The following DSC1 variants were observed in gnomAD, a reference collection of about 807,000 sequenced individuals.
DSC1 encodes the protein desmocollin-1.
In DSC1, 79 loss-of-function variants were observed where a neutral mutation model predicts 98.8. That is an observed-to-expected ratio of 0.80 (90% CI 0.67 to 0.96). DSC1 has a LOEUF of 0.96. Among genes scored for constraint, DSC1 ranks in the 50% least tolerant of loss-of-function variants. The probability of loss-of-function intolerance (pLI) is 0.00; values close to 1 mark genes in which losing one functional copy is unlikely to be tolerated. For synonymous variants in DSC1, 405 were observed against 372.1 expected (o/e 1.09, Z -1.02); for missense variants, 1,115 against 1,075.9 (o/e 1.04, Z -0.51).
At chr18:31,146,593 G>T (rs917926142) in intron 6 of DSC1, among the ~76,000 whole-genome samples, 1 of 152,102 alleles carries the variant, frequency 6.6e-6, no homozygotes, top group Non-Finnish European at 1.5e-5. Flanking sequence ...TTTCCCTTGG[G>T]TATATACCTA....
intron 14 of DSC1, chr18:31,132,328 A>G: frequency 4.8e-6 from 2 of 417,276 alleles, no homozygotes; most frequent in Non-Finnish European, 8.4e-6. Flanking sequence ...TCTGATTTCT[A>G]GTCTCCAGAT....
intron 2 of DSC1, among the ~76,000 whole-genome samples, chr18:31,158,224 A>G (rs7245164): frequency 0.56 from 85,064 of 151,948 alleles, 24,095 homozygotes; most frequent in East Asian, 0.66. Flanking sequence ...CAGAGATAGC[A>G]CCACTGCACT....
In DSC1 at chr18:31,143,707, T is replaced by C. The variant is rs772770122; in HGVS notation, c.1024A>G (p.Ile342Val). The C allele has an allele frequency of 6.3e-7, 1 of 1,598,138 alleles. No individual in the cohort carries two copies. Among genetic ancestry groups the C allele is most frequent in the Admixed American group, 1.7e-5 (1 of 58,504 alleles). Residue 342 changes from isoleucine to valine, a missense_variant, in exon 8 of 16, where the codon ATT becomes GTT. Transcript: ENST00000257198. ...FGLFNTGTIT[I>V]SLEDENDNPP... ...TTGTCATTTTCATCCTCAAGTGAAATAGTAATTGTTCCTGTATTAAATAAA... is the reference window on the plus strand; with the variant it reads ...TTGTCATTTTCATCCTCAAGTGAAACAGTAATTGTTCCTGTATTAAATAAA...
intron 5 of DSC1, among the ~76,000 whole-genome samples, chr18:31,150,037 T>TCATCATCACCACCACCACCACCAC (rs1208127009): frequency 1.1e-5 from 1 of 93,020 alleles, no homozygotes; most frequent in East Asian, 4.0e-4. Flanking sequence ...CCACTTACCA[T>TCATCATCACCACCACCACCACCAC]CATCATCACC....
At chr18:31,145,805 A>C (rs1486768737) in intron 6 of DSC1, 28 bp from the exon 7 acceptor site, 3 of 1,593,080 alleles carry the variant, frequency 1.9e-6, no homozygotes, top group Non-Finnish European at 2.6e-6. Context: ...AAAGTGTCAA[A>C]AATTTCTACT....
intron 6 of DSC1, 53 bp from the exon 7 acceptor site, chr18:31,145,830 A>G: frequency 6.4e-7 from 1 of 1,550,938 alleles, no homozygotes; most frequent in Non-Finnish European, 8.7e-7. Flanking sequence ...TAATTGAATT[A>G]TAAACAAAAT....
chr18:31,132,332 T>A (rs1988512220), intron 14 of DSC1: 3 of 439,672 alleles, frequency 6.8e-6, no homozygotes, highest in Non-Finnish European at 7.9e-6. Flanking sequence ...ATTTCTAGTC[T>A]CCAGATCTGT....
At chr18:31,138,365 T>C (rs778174465) in intron 11 of DSC1, among the ~76,000 whole-genome samples, 11 of 152,126 alleles carry the variant, frequency 7.2e-5, no homozygotes, top group Non-Finnish European at 1.5e-4. Context: ...ATAATATTCA[T>C]ACATTCTTTT....
At chr18:31,137,123 A>G (rs556792499) in intron 11 of DSC1, among the ~76,000 whole-genome samples, 1 of 150,696 alleles carries the variant, frequency 6.6e-6, no homozygotes, top group South Asian at 2.1e-4. Flanking sequence ...AACTAGAATC[A>G]CTGTATTATA....
Position 31,131,822 on chromosome 18 carries a change from G to A in DSC1, c.2259C>T (p.Pro753=). ...TGTCACAAATGTTGGATGTCTGCAT[G>A]GGGAGTCTAATATTTGCTTCCTAAA... ...EEVTEANIRL[P]MQTSNICDTS... is the part of the protein sequence containing the mutation. The change falls in exon 15 of 16, where the codon CCC becomes CCT. Residue 753 remains proline (P), a synonymous_variant. Transcript: ENST00000257198. The A allele has an allele frequency of 6.2e-7, 1 of 1,614,046 alleles. No individual in the cohort carries two copies. Among genetic ancestry groups the A allele is most frequent in the Non-Finnish European group, 8.5e-7 (1 of 1,179,948 alleles).
intron 5 of DSC1, among the ~76,000 whole-genome samples, chr18:31,151,345 A>G (rs542115823): frequency 2.0e-5 from 3 of 152,322 alleles, no homozygotes; most frequent in South Asian, 4.1e-4. Context: ...CTAACTCTCT[A>G]GGAGAATTGA....
Position 31,131,674 on chromosome 18 carries a change from C to T in DSC1, c.2407G>A (p.Val803Ile), listed in dbSNP as rs1218671127. ...GTATCTCCCTGCCCCACTCCCTTGA[C>T]GGACTCCAAGGTCTGATGTCCACCT... ...KGGGHQTLESVKGVGQGDTGR... is the reference protein window; with the variant it reads ...KGGGHQTLESIKGVGQGDTGR... Residue 803 changes from valine to isoleucine, a missense_variant, in exon 15 of 16, where the codon GTC (valine) becomes ATC (isoleucine). Physicochemically the swap from Val to Ile is conservative, Grantham distance 29. Coordinates refer to ENST00000257198, the MANE Select transcript of DSC1 (RefSeq NM_024421.2). The T allele has an allele frequency of 8.7e-6, 14 of 1,614,118 alleles. No individual in the cohort carries two copies. The highest frequency in any genetic ancestry group is 5.0e-5 in the Admixed American group (3 of 60,014).
intron 11 of DSC1, among the ~76,000 whole-genome samples, chr18:31,139,060 T>C (rs901068080): frequency 6.6e-6 from 1 of 152,068 alleles, no homozygotes; most frequent in South Asian, 2.1e-4. Flanking sequence ...TAAAAATACA[T>C]ATGATAGCAA....
chr18:31,131,864 T>C (rs1198599401), intron 14 of DSC1, 22 bp from the exon 15 acceptor site: 2 of 1,609,116 alleles, frequency 1.2e-6, no homozygotes, highest in Admixed American at 3.4e-5. Context: ...GTGAGAGTGA[T>C]AAAGTGAATT....
At chr18:31,140,557 A>G (rs560118257) in intron 9 of DSC1, among the ~76,000 whole-genome samples, 100 of 152,280 alleles carry the variant, frequency 6.6e-4, no homozygotes, top group Non-Finnish European at 2.5e-4. Context: ...CTTTTTCATT[A>G]TAAGTTTAAA....
chr18:31,147,476 A>G (rs904995053), intron 6 of DSC1, among the ~76,000 whole-genome samples: 1 of 152,144 alleles, frequency 6.6e-6, no homozygotes, highest in Non-Finnish European at 1.5e-5. Flanking sequence ...ATGAGCACAG[A>G]AAGGTTTTCC....
chr18:31,134,925 C>T (rs1598613993), intron 11 of DSC1, 141 bp from the exon 12 acceptor site: 1 of 711,840 alleles, frequency 1.4e-6, no homozygotes, highest in East Asian at 2.7e-5. Flanking sequence ...ATTTCAGACA[C>T]CAAGACTACA....
At chr18:31,152,071 A>G (rs1989010249) in intron 5 of DSC1, among the ~76,000 whole-genome samples, 1 of 152,106 alleles carries the variant, frequency 6.6e-6, no homozygotes, top group South Asian at 2.1e-4. Context: ...TTGAGGCAGG[A>G]GAATTGCTTG....
At chr18:31,152,167 A>T (rs935534929) in intron 5 of DSC1, among the ~76,000 whole-genome samples, 1 of 141,772 alleles carries the variant, frequency 7.1e-6, no homozygotes, top group Non-Finnish European at 1.5e-5. Flanking sequence ...ATATCAAAAA[A>T]ACAACAAAAA....
Sources: allele counts gnomAD v4.1 joint callset (sites outside exome capture counted in the v4.1 genomes callset), GRCh38; gene constraint gnomAD v4.1.1; transcripts MANE v1.5; gene names NCBI Gene and HGNC (gene_info 2026-07-23, HGNC 2026-07-21).